Variants in STK24 observed in about 807,000 individuals in gnomAD.
The protein encoded by STK24 is serine/threonine-protein kinase 24.
A neutral mutation model predicts 55.6 loss-of-function variants in STK24; 21 were observed. The observed-to-expected ratio is 0.38, with a 90% confidence interval of 0.27 to 0.54. The LOEUF is 0.54. STK24 is among the 20% of genes least tolerant of loss of function. The pLI is 0.79. For missense variants in STK24, 383 were observed against 538.4 expected (o/e 0.71, Z 2.86); for synonymous variants, 200 against 215.2 (o/e 0.93, Z 0.62).
intron 1 of STK24, among the ~76,000 whole-genome samples, chr13:98,556,233 A>G (rs1195339496): frequency 6.6e-6 from 1 of 152,222 alleles, no homozygotes; most frequent in African/African-American, 2.4e-5. Context: ...GGATCAGTCC[A>G]GGGTTAAGGA....
intron 5 of STK24, among the ~76,000 whole-genome samples, chr13:98,467,781 A>G (rs974305391): frequency 6.6e-6 from 1 of 152,158 alleles, no homozygotes; most frequent in Non-Finnish European, 1.5e-5. Context: ...TGTCATGTCA[A>G]TGAGAAGAGC....
chr13:98,491,612 G>A (rs1372432359), intron 2 of STK24, among the ~76,000 whole-genome samples: 1 of 149,956 alleles, frequency 6.7e-6, no homozygotes, highest in Non-Finnish European at 1.5e-5. Flanking sequence ...TGGAAACACT[G>A]CAACACCAAA....
chr13:98,474,752 G>A, intron 5 of STK24, 69 bp downstream of exon 5: 2 of 1,519,958 alleles, frequency 1.3e-6, no homozygotes, highest in Non-Finnish European at 1.8e-6. Flanking sequence ...AAGCTACCAG[G>A]CTAAAGAACA....
chr13:98,561,276 C>A (rs950390565), intron 1 of STK24, among the ~76,000 whole-genome samples: 1 of 152,056 alleles, frequency 6.6e-6, no homozygotes, highest in African/African-American at 2.4e-5. Context: ...TTTCTTTCTC[C>A]AAAGGCAAAA....
At chr13:98,462,730 T>C (rs1343069919) in intron 7 of STK24, among the ~76,000 whole-genome samples, 4 of 152,124 alleles carry the variant, frequency 2.6e-5, no homozygotes, top group Non-Finnish European at 5.9e-5. Context: ...TCGGTGCCAC[T>C]TCACACTGGA....
At chr13:98,539,157 C>T (rs1202710814) in intron 1 of STK24, among the ~76,000 whole-genome samples, 1 of 152,222 alleles carries the variant, frequency 6.6e-6, no homozygotes, top group Admixed American at 6.5e-5. Flanking sequence ...AGCTGTGCCG[C>T]CCTGAAGCAC....
intron 2 of STK24, chr13:98,508,837 C>T (rs961506922): frequency 6.6e-6 from 1 of 152,234 alleles, no homozygotes; most frequent in African/African-American, 2.4e-5. Context: ...ACAATTCACA[C>T]CTTCTCTGCT....
chr13:98,575,115 A>G (rs1897847860), intron 1 of STK24, among the ~76,000 whole-genome samples: 1 of 152,162 alleles, frequency 6.6e-6, no homozygotes, highest in Non-Finnish European at 1.5e-5. Context: ...TCGACTAGTA[A>G]GAAATTACTT....
chr13:98,464,560 G>A (rs1157875282), intron 6 of STK24, among the ~76,000 whole-genome samples: 46 of 140,998 alleles, frequency 3.3e-4, no homozygotes, highest in African/African-American at 1.1e-3. Context: ...GCAGTGGCAC[G>A]ATTTCGGCTC....
intron 2 of STK24, among the ~76,000 whole-genome samples, chr13:98,490,181 T>C (rs954540690): frequency 3.9e-5 from 6 of 152,200 alleles, no homozygotes; most frequent in Non-Finnish European, 8.8e-5. Flanking sequence ...TGGTGGGATA[T>C]TCAGCAAGCC....
intron 1 of STK24, 127 bp from the exon 2 acceptor site, chr13:98,519,600 G>C: frequency 1.3e-6 from 1 of 768,110 alleles, no homozygotes; most frequent in Non-Finnish European, 2.1e-6. Flanking sequence ...TCTGTGTCCA[G>C]CATCAGGCTG....
chr13:98,456,506 C>G, intron 10 of STK24: 1 of 516,276 alleles, frequency 1.9e-6, no homozygotes, highest in Non-Finnish European at 4.0e-6. Context: ...TGCCTCCAAA[C>G]GCCTGCACTT....
chr13:98,479,889 A>T (rs900068997), intron 3 of STK24, among the ~76,000 whole-genome samples: 5 of 152,180 alleles, frequency 3.3e-5, no homozygotes, highest in African/African-American at 1.2e-4. Flanking sequence ...AAAGACAACA[A>T]CATCAGAGGT....
At position 98,556,753 on chromosome 13, in the gene STK24, C is replaced by A. The variant is rs569817592; in HGVS notation, c.42+19992G>T. On this transcript the variant is annotated intron_variant, in intron 1 of 10. Coordinates refer to ENST00000539966, the MANE Select transcript of STK24 (RefSeq NM_001032296.4). ...TTTGCAGGTGCAACCAAGACTGAGG[C>A]TGTTTAAACAGCCTTAAATTCTGCT... Among the ~76,000 whole-genome samples the A allele has an allele frequency of 7.8e-4, 119 of 152,276 alleles. 2 individuals are homozygous for A. The highest frequency in any genetic ancestry group is 4.4e-5 in the Non-Finnish European group (3 of 68,028).
chr13:98,535,207 C>T (rs1594648621), intron 1 of STK24, among the ~76,000 whole-genome samples: 1 of 152,040 alleles, frequency 6.6e-6, no homozygotes, highest in African/African-American at 2.4e-5. Flanking sequence ...CGTGGTGGCA[C>T]GTGTCTGTAA....
intron 2 of STK24, among the ~76,000 whole-genome samples, chr13:98,483,568 C>CT (rs1360026912): frequency 2.6e-5 from 4 of 152,166 alleles, no homozygotes; most frequent in African/African-American, 9.7e-5. Flanking sequence ...CTTCCCAGGC[C>CT]TTTTTGCTTT....
At chr13:98,512,108 G>A (rs568616075) in intron 2 of STK24, among the ~76,000 whole-genome samples, 8 of 152,070 alleles carry the variant, frequency 5.3e-5, no homozygotes, top group South Asian at 2.1e-4. Flanking sequence ...GGCTGGTTTC[G>A]AACTTCTGAC....
At position 98,576,818 on chromosome 13, in the gene STK24, A is replaced by C. The variant is rs2139479361; in HGVS notation, c.-32T>G. The C allele has an allele frequency of 5.5e-6, 7 of 1,269,566 alleles. No homozygotes were observed. Among genetic ancestry groups the C allele is most frequent in the Non-Finnish European group, 7.0e-6 (7 of 1,004,066 alleles). The allele number at this position is 1,269,566 out of a possible 1,614,324, so 78.6% of individuals were successfully genotyped here. A position where few individuals can be genotyped will look rare whatever the true frequency, so the allele number is the denominator to read the frequency against. On this transcript the variant is annotated 5_prime_UTR_variant, in exon 1 of 11. Transcript: ENST00000539966. ...CAGGACGGCCACTTCCTGGGACGGG[A>C]CGGCCGGGCCGCGACGATCCGCGCG...
At chr13:98,476,240 G>GCCCCCCCCCCCCCCCC (rs138129188) in intron 3 of STK24, among the ~76,000 whole-genome samples, 1 of 141,596 alleles carries the variant, frequency 7.1e-6, no homozygotes, top group Non-Finnish European at 1.5e-5. Flanking sequence ...CAGACGGGAA[G>GCCCCCCCCCCCCCCCC]CCCCCCCCCG....
Sources: gnomAD v4.1 joint callset for allele counts (sites outside exome capture counted in the v4.1 genomes callset) on GRCh38, gnomAD v4.1.1 for gene constraint, MANE v1.5 for transcripts, NCBI Gene and HGNC (gene_info 2026-07-23, HGNC 2026-07-21) for gene names.